Variants in PRXL2B observed in about 807,000 individuals in gnomAD.
PRXL2B encodes the protein prostamide/prostaglandin F synthase.
In PRXL2B, 26 loss-of-function variants were observed where a neutral mutation model predicts 24.4. The observed-to-expected ratio is 1.07, with a 90% CI of 0.78 to 1.48. The LOEUF is 1.48. Among genes scored for constraint, PRXL2B ranks in the 40% most tolerant of loss-of-function variants. The probability of loss-of-function intolerance (pLI) is 0.00; values close to 1 mark genes in which losing one functional copy is unlikely to be tolerated. For missense variants in PRXL2B, 269 were observed against 264.8 expected, an observed-to-expected ratio of 1.02 and a Z score of -0.11; for synonymous variants, 115 against 118.9, an observed-to-expected ratio of 0.97 and a Z score of 0.21.
chr1:2,591,118 G>A lies in PRXL2B; in HGVS notation c.*1691G>A, dbSNP rs770586907. 4.8e-5 allele frequency: 71 copies of A among 1,485,280 alleles called. No homozygotes were observed. The highest frequency in any genetic ancestry group is 1.6e-4 in the East Asian group (7 of 42,510). The allele number at this position is 1,485,280 out of a possible 1,614,324, so 92.0% of individuals were successfully genotyped here. ...TGGGTGGGTGGGTGTGACAGCAGGA[G>A]CATTGCCATCTTGGACAAACATGGC... On this transcript the variant is annotated 3_prime_UTR_variant, in exon 7 of 7. Coordinates refer to ENST00000419916, the MANE Select transcript of PRXL2B (RefSeq NM_152371.5).
In PRXL2B at chr1:2,587,413, A is replaced by C. The variant is rs1644551327; in HGVS notation, c.268+118A>C. The C allele has an allele frequency of 4.2e-6, 5 of 1,200,236 alleles. No individual in the cohort carries two copies. The highest frequency in any genetic ancestry group is 4.7e-5 in the Admixed American group (2 of 42,972). The allele number at this position is 1,200,236 out of a possible 1,614,324, so 74.3% of individuals were successfully genotyped here. ...CTGCTGGAGCGGCCTTGATATGCCCACGGGTCAGCGTCCCTCATCTCTCCC... is the reference window on the plus strand; with the variant it reads ...CTGCTGGAGCGGCCTTGATATGCCCCCGGGTCAGCGTCCCTCATCTCTCCC... On this transcript the variant is annotated intron_variant, in intron 2 of 6. Coordinates refer to ENST00000419916, the MANE Select transcript of PRXL2B (RefSeq NM_152371.5). This position sits in a 1 kb window ranked among gnomAD's most constrained non-coding sequence, Gnocchi z 6.1.
At chr1:2,586,622 C>T, upstream of PRXL2B, 1 of 764,954 alleles carries the variant, frequency 1.3e-6, no homozygotes, top group Non-Finnish European at 1.8e-6. Context: ...GGACTAGGGG[C>T]GAATCCGAGG....
In PRXL2B at chr1:2,590,850, C is replaced by A. The variant is rs911185110; in HGVS notation, c.*1423C>A. ...GTCAGGCAGGTGGCTGCACCCTAGG[C>A]CAGGCGCAGAGGCCTGGCAGGCAGG... On this transcript the variant is annotated 3_prime_UTR_variant, in exon 7 of 7. Transcript: ENST00000419916. 3.8e-5 allele frequency: 23 copies of A among 597,634 alleles called. No homozygotes were observed. Among genetic ancestry groups the A allele is most frequent in the Non-Finnish European group, 5.5e-5 (21 of 382,758 alleles). The allele number at this position is 597,634 out of a possible 1,614,324, so 37.0% of individuals were successfully genotyped here.
Position 2,591,426 on chromosome 1 carries a change from CT to C in PRXL2B, c.*2000del. On this transcript the variant is annotated 3_prime_UTR_variant, in exon 7 of 7. Transcript: ENST00000419916. ...CCTGACCGAAATCGGCCAGAAGCCC[CT>C]CTCAGGTTTATTCCCAAAATAAACC... 1.3e-6 allele frequency: 1 copy of C among 765,546 alleles called. No individual in the cohort carries two copies. Among genetic ancestry groups the C allele is most frequent in the East Asian group, 2.5e-5 (1 of 40,030 alleles). The allele number at this position is 765,546 out of a possible 1,614,324, so 47.4% of individuals were successfully genotyped here.
intron 3 of PRXL2B, 41 bp from the exon 4 acceptor site, chr1:2,588,349 G>T: frequency 6.2e-7 from 1 of 1,613,964 alleles, no homozygotes; most frequent in South Asian, 1.1e-5. Context: ...CTGGACCCAG[G>T]CTTCTCCGGA....
chr1:2,589,630 G>GC lies in PRXL2B; in HGVS notation c.*208dup. On this transcript the variant is annotated 3_prime_UTR_variant, in exon 7 of 7. Coordinates refer to ENST00000419916, the MANE Select transcript of PRXL2B (RefSeq NM_152371.5). ...GGCTCCGAGCCCTGCATCCTCCACA[G>GC]CCCCCGCCTTGCTCACTGTTGGGCC... 1.5e-6 allele frequency: 1 copy of GC among 683,208 alleles called. No individual in the cohort carries two copies. 42.3% of individuals were successfully genotyped at this position (683,208 alleles called of 1,614,324 possible). A position where few individuals can be genotyped will look rare whatever the true frequency, so the allele number is the denominator to read the frequency against.
At position 2,591,213 on chromosome 1, in the gene PRXL2B, G is replaced by A; in HGVS notation, c.*1786G>A. The A allele has an allele frequency of 1.5e-6, 1 of 657,714 alleles. No individual in the cohort carries two copies. Among genetic ancestry groups the A allele is most frequent in the Non-Finnish European group, 2.5e-6 (1 of 393,496 alleles). 40.7% of individuals were successfully genotyped at this position (657,714 alleles called of 1,614,324 possible). Reference sequence around the variant, plus strand: ...CTAATGGCTCATGTCAGTATGAGCAGAAACATTTCAACCATGAGATAAACC... The same window carrying A: ...CTAATGGCTCATGTCAGTATGAGCAAAAACATTTCAACCATGAGATAAACC... On this transcript the variant is annotated 3_prime_UTR_variant, in exon 7 of 7. Transcript: ENST00000419916.
chr1:2,588,697 C>A, intron 5 of PRXL2B, 72 bp downstream of exon 5: 1 of 1,521,314 alleles, frequency 6.6e-7, no homozygotes, highest in Non-Finnish European at 9.0e-7. Context: ...CAGCCCAGGC[C>A]CTCTCTCTGG....
rs1644535883 is a variant in PRXL2B, at chr1:2,587,036, G to C, written c.64-55G>C. On this transcript the variant is annotated intron_variant, in intron 1 of 6. Transcript: ENST00000419916. The surrounding 1 kb of genome is among the most constrained non-coding windows in gnomAD (Gnocchi z 6.1). ...AGCGATGGGGTGGTGGGGGCCGCGG[G>C]GCCTGGGCGGGGCTGGGGGCAACGG... 1 of 1,344,774 alleles carries C rather than the reference G, an allele frequency of 7.4e-7. No individual in the cohort carries two copies. The highest frequency in any genetic ancestry group is 1.9e-5 in the South Asian group (1 of 51,722). 83.3% of individuals were successfully genotyped at this position (1,344,774 alleles called of 1,614,324 possible).
rs1252587002 is a variant in PRXL2B at position 2,589,856 on chromosome 1, C to G, written c.*429C>G. On this transcript the variant is annotated 3_prime_UTR_variant, in exon 7 of 7. Coordinates refer to ENST00000419916, the MANE Select transcript of PRXL2B (RefSeq NM_152371.5). ...GCTCCAGCAGGGTCGGGGTCAGTGCCTGTGTCTGGTGGGGGCCACTCAGGA... is the reference window on the plus strand; with the variant it reads ...GCTCCAGCAGGGTCGGGGTCAGTGCGTGTGTCTGGTGGGGGCCACTCAGGA... The G allele has an allele frequency of 2.4e-5, 5 of 211,698 alleles. No individual in the cohort carries two copies. Among genetic ancestry groups the G allele is most frequent in the Non-Finnish European group, 4.7e-5 (5 of 106,454 alleles). 13.1% of individuals were successfully genotyped at this position (211,698 alleles called of 1,614,324 possible).
At position 2,591,120 on chromosome 1, in the gene PRXL2B, A is replaced by G. The variant is rs781050832; in HGVS notation, c.*1693A>G. On this transcript the variant is annotated 3_prime_UTR_variant, in exon 7 of 7. Coordinates refer to ENST00000419916, the MANE Select transcript of PRXL2B (RefSeq NM_152371.5). ...GGTGGGTGGGTGTGACAGCAGGAGC[A>G]TTGCCATCTTGGACAAACATGGCCA... 2 of 1,480,314 alleles carry G rather than the reference A, an allele frequency of 1.4e-6. No homozygotes were observed. The highest frequency in any genetic ancestry group is 1.8e-6 in the Non-Finnish European group (2 of 1,099,136). 91.7% of individuals were successfully genotyped at this position (1,480,314 alleles called of 1,614,324 possible). A position where few individuals can be genotyped will look rare whatever the true frequency, so the allele number is the denominator to read the frequency against.
chr1:2,588,795 C>T (rs770667652), intron 5 of PRXL2B, 127 bp from the exon 6 acceptor site: 34 of 1,189,506 alleles, frequency 2.9e-5, no homozygotes, highest in East Asian at 2.1e-4. Flanking sequence ...CAGAACAGCT[C>T]ACTCATCTGG....
In PRXL2B at chr1:2,587,823, TGGGGTGG is replaced by T; in HGVS notation, c.320+36_320+42del. The T allele has an allele frequency of 1.7e-6, 1 of 596,322 alleles. No individual in the cohort carries two copies. The highest frequency in any genetic ancestry group is 2.8e-6 in the Non-Finnish European group (1 of 355,746). 36.9% of individuals were successfully genotyped at this position (596,322 alleles called of 1,614,324 possible). ...TGGGGGCGGGAACCCTTGGGTAGCG[TGGGGTGG>T]GGGGCCCAGGGGTTCCCACCGCTCC... On this transcript the variant is annotated intron_variant, in intron 3 of 6. Coordinates refer to ENST00000419916, the MANE Select transcript of PRXL2B (RefSeq NM_152371.5). This position sits in a 1 kb window ranked among gnomAD's most constrained non-coding sequence, Gnocchi z 6.1.
chr1:2,586,598 G>A, upstream of PRXL2B: 2 of 583,560 alleles, frequency 3.4e-6, no homozygotes, highest in Non-Finnish European at 5.0e-6. Flanking sequence ...TGGAGTAGGA[G>A]GGGAAACAAG....
In PRXL2B at chr1:2,588,569, A is replaced by C; in HGVS notation, c.404A>C (p.Gln135Pro). The change falls in exon 5 of 7, where the codon CAG (glutamine) becomes CCG (proline). Residue 135 changes from glutamine to proline, a missense_variant. Coordinates refer to ENST00000419916, the MANE Select transcript of PRXL2B (RefSeq NM_152371.5). ...VAAKAKAVGI[Q>P]GNLSGDLLQS... ...TGACAGGCCAAGGCTGTTGGCATCC[A>C]GGGGAACTTGTCTGGGGACCTGCTG... The C allele has an allele frequency of 6.2e-7, 1 of 1,614,140 alleles. No individual in the cohort carries two copies. Among genetic ancestry groups the C allele is most frequent in the East Asian group, 2.2e-5 (1 of 44,874 alleles).
chr1:2,587,835 C>G lies in PRXL2B; in HGVS notation c.320+43C>G, dbSNP rs1455958408. The G allele has an allele frequency of 6.4e-7, 1 of 1,555,986 alleles. No individual in the cohort carries two copies. The highest frequency in any genetic ancestry group is 2.4e-5 in the East Asian group (1 of 42,430). ...CCCTTGGGTAGCGTGGGGTGGGGGG[C>G]CCAGGGGTTCCCACCGCTCCCTGCC... On this transcript the variant is annotated intron_variant, in intron 3 of 6. Transcript: ENST00000419916. This position sits in a 1 kb window ranked among gnomAD's most constrained non-coding sequence, Gnocchi z 6.1.
Position 2,587,654 on chromosome 1 carries a change from CGGAAGGA to C in PRXL2B, c.269-83_269-77del. On this transcript the variant is annotated intron_variant, in intron 2 of 6. Coordinates refer to ENST00000419916, the MANE Select transcript of PRXL2B (RefSeq NM_152371.5). The surrounding 1 kb of genome is among the most constrained non-coding windows in gnomAD (Gnocchi z 6.1). ...GAGGGTGGGCAGAGGAACAGAGGGT[CGGAAGGA>C]GGAGGGCGATTCTTTGTGGTGAGTG... is the stretch of plus-strand genomic sequence containing the variant. The C allele has an allele frequency of 6.9e-7, 1 of 1,457,860 alleles. No individual in the cohort carries two copies. The highest frequency in any genetic ancestry group is 9.4e-7 in the Non-Finnish European group (1 of 1,062,242). The allele number at this position is 1,457,860 out of a possible 1,614,324, so 90.3% of individuals were successfully genotyped here. A position where few individuals can be genotyped will look rare whatever the true frequency, so the allele number is the denominator to read the frequency against.
chr1:2,589,551 G>A lies in PRXL2B; in HGVS notation c.*124G>A, dbSNP rs1644628998. 6.5e-6 allele frequency: 9 copies of A among 1,382,860 alleles called. No homozygotes were observed. The highest frequency in any genetic ancestry group is 2.5e-5 in the East Asian group (1 of 40,792). 85.7% of individuals were successfully genotyped at this position (1,382,860 alleles called of 1,614,324 possible). ...CGGGATGCCGAACCTCTCCTGATCC[G>A]CCGGCAGCAACGAGCCATTAAAACT... is the stretch of plus-strand genomic sequence containing the variant. On this transcript the variant is annotated 3_prime_UTR_variant, in exon 7 of 7. Transcript: ENST00000419916.
At chr1:2,588,267 G>C in intron 3 of PRXL2B, 123 bp from the exon 4 acceptor site, 1 of 1,287,320 alleles carries the variant, frequency 7.8e-7, no homozygotes, top group East Asian at 2.6e-5. Context: ...TGCCATCTCT[G>C]AGCCCTGGTG....
Sources: gnomAD v4.1 joint callset for allele counts on GRCh38, gnomAD v4.1.1 for gene constraint, Gnocchi (gnomAD v3.1) non-coding constraint, MANE v1.5 for transcripts, NCBI Gene and HGNC (gene_info 2026-07-23, HGNC 2026-07-21) for gene names.